Variants in PLD5 observed in about 807,000 individuals in gnomAD.
PLD5 encodes phospholipase D family member 5, also known as inactive phospholipase D5.
PLD5 carries 36 observed loss-of-function variants against 61.1 expected under a neutral mutation model. The observed-to-expected ratio is 0.59, with a 90% CI of 0.45 to 0.78. PLD5 has a LOEUF of 0.78. Among genes scored for constraint, PLD5 ranks in the 30% least tolerant of loss-of-function variants. The pLI is 0.00. For missense variants in PLD5, 515 were observed against 644.4 expected, an observed-to-expected ratio of 0.80 and a Z score of 2.17; for synonymous variants, 243 against 242.8, an observed-to-expected ratio of 1.00 and a Z score of -0.01.
intron 1 of PLD5, among the ~76,000 whole-genome samples, chr1:242,388,089 A>G (rs1662705047): frequency 6.6e-6 from 1 of 152,218 alleles, no homozygotes; most frequent in Non-Finnish European, 1.5e-5. Flanking sequence ...AGAGGTAGAA[A>G]GCATTTCAGA....
intron 1 of PLD5, among the ~76,000 whole-genome samples, chr1:242,362,034 A>G (rs1661097563): frequency 6.6e-6 from 1 of 152,010 alleles, no homozygotes. Flanking sequence ...CCTTTAGGAA[A>G]CTATGACCCT....
intron 1 of PLD5, among the ~76,000 whole-genome samples, chr1:242,506,589 G>A (rs1668729377): frequency 2.0e-5 from 3 of 152,318 alleles, no homozygotes; most frequent in South Asian, 2.1e-4. Flanking sequence ...GGGCAACAGT[G>A]AGAAAGACAC....
At chr1:242,190,870 T>G (rs574065476) in intron 5 of PLD5, among the ~76,000 whole-genome samples, 1 of 152,184 alleles carries the variant, frequency 6.6e-6, no homozygotes, top group Non-Finnish European at 1.5e-5. Context: ...CATGCACTGC[T>G]GGATTTTCAG....
At chr1:242,526,705 C>T (rs1001374394), upstream of PLD5, among the ~76,000 whole-genome samples, 6 of 152,100 alleles carry the variant, frequency 3.9e-5, no homozygotes, top group African/African-American at 1.4e-4. Flanking sequence ...ATTACAGGCA[C>T]GATCTGATTT....
At chr1:242,237,651 C>T (rs1455018453) in intron 4 of PLD5, among the ~76,000 whole-genome samples, 1 of 152,142 alleles carries the variant, frequency 6.6e-6, no homozygotes, top group African/African-American at 2.4e-5. Flanking sequence ...GCAGCCCTGG[C>T]CTGGGCTGGT....
At chr1:242,452,008 G>A (rs1342260222) in intron 1 of PLD5, among the ~76,000 whole-genome samples, 1 of 152,084 alleles carries the variant, frequency 6.6e-6, no homozygotes, top group Non-Finnish European at 1.5e-5. Context: ...CCCCACGGGG[G>A]CTTCGGCTCA....
At chr1:242,199,080 AT>A (rs1668826305) in intron 5 of PLD5, among the ~76,000 whole-genome samples, 1 of 152,188 alleles carries the variant, frequency 6.6e-6, no homozygotes, top group Admixed American at 6.5e-5. Context: ...TATTCAGGAT[AT>A]ACTAAATTAC....
Position 242,086,386 on chromosome 1 carries a change from C to T in PLD5, c.*3468G>A, listed in dbSNP as rs1659477841. 1 of 152,186 alleles carries T rather than the reference C, an allele frequency of 6.6e-6. No homozygotes were observed. Among genetic ancestry groups the T allele is most frequent in the East Asian group, 1.9e-4 (1 of 5,202 alleles). The allele number at this position is 152,186 out of a possible 1,614,324, so 9.4% of individuals were successfully genotyped here. ...TCTTTTAAGTCAGTGGGGACATTTT[C>T]AGCATTCCTTGTTTCTATCAGGTTC... is the stretch of plus-strand genomic sequence containing the variant. On this transcript the variant is annotated 3_prime_UTR_variant, in exon 10 of 10. Transcript: ENST00000536534.
intron 1 of PLD5, among the ~76,000 whole-genome samples, chr1:242,395,685 G>A (rs888164888): frequency 6.6e-6 from 1 of 152,160 alleles, no homozygotes; most frequent in Non-Finnish European, 1.5e-5. Flanking sequence ...ATAAAGAGAT[G>A]CAACCTGGAA....
intron 1 of PLD5, among the ~76,000 whole-genome samples, chr1:242,399,484 G>A (rs911523037): frequency 3.8e-4 from 58 of 152,232 alleles, no homozygotes; most frequent in African/African-American, 1.4e-3. Flanking sequence ...TTAAGCAAGC[G>A]TATTCATTCT....
chr1:242,343,353 CAAAG>C (rs1659948944), intron 2 of PLD5, among the ~76,000 whole-genome samples: 1 of 152,030 alleles, frequency 6.6e-6, no homozygotes, highest in Non-Finnish European at 1.5e-5. Flanking sequence ...GACTTCAGAA[CAAAG>C]TAATTGGAAA....
intron 4 of PLD5, among the ~76,000 whole-genome samples, chr1:242,250,794 C>T (rs546319910): frequency 7.2e-5 from 11 of 152,208 alleles, no homozygotes; most frequent in African/African-American, 2.6e-4. Context: ...ACATAGTTAA[C>T]ATTGGAGTCA....
intron 4 of PLD5, among the ~76,000 whole-genome samples, chr1:242,257,748 C>T (rs902290828): frequency 6.6e-6 from 1 of 152,096 alleles, no homozygotes; most frequent in African/African-American, 2.4e-5. Flanking sequence ...ATGTGACTTA[C>T]TTTTCAGATA....
chr1:242,271,201 CAGAGAGAGAG>C (rs60075638), intron 3 of PLD5, among the ~76,000 whole-genome samples: 27,594 of 102,052 alleles, frequency 0.27, 4,217 homozygotes, highest in Admixed American at 0.36. Flanking sequence ...CACACACACA[CAGAGAGAGAG>C]AGAGAGAGAG....
rs1553367299 is a variant in PLD5 at position 242,396,664 on chromosome 1, T to TTTTC, written c.190-48426_190-48423dup. Among the ~76,000 whole-genome samples, 152 of 118,360 alleles carry TTTTC rather than the reference T, an allele frequency of 1.3e-3. 6 individuals are homozygous for TTTTC. The highest frequency in any genetic ancestry group is 3.5e-3 in the African/African-American group (103 of 29,592). The allele number at this position is 118,360 out of a possible 152,430, so 77.6% of individuals were successfully genotyped here. Reference sequence around the variant, plus strand: ...GCCAGCATGCTATTTTCTTTCTTTCTTTTCTTTTCTTTTTTTTTTTTTTTT... The same window carrying TTTTC: ...GCCAGCATGCTATTTTCTTTCTTTCTTTTCTTTCTTTTCTTTTTTTTTTTTTTTT... On this transcript the variant is annotated intron_variant, in intron 1 of 9. Transcript: ENST00000536534.
chr1:242,365,331 C>G (rs1243593881), intron 1 of PLD5: 1 of 155,964 alleles, frequency 6.4e-6, no homozygotes, highest in African/African-American at 2.4e-5. Context: ...ACAAATGCTT[C>G]TCGGGCACCA....
At chr1:242,304,076 A>G (rs2796063) in intron 2 of PLD5, among the ~76,000 whole-genome samples, 42 of 152,198 alleles carry the variant, frequency 2.8e-4, no homozygotes, top group African/African-American at 9.9e-4. Flanking sequence ...CTGTGCCTCA[A>G]TAAGACTCCT....
At chr1:242,480,058 A>C (rs941378241) in intron 1 of PLD5, among the ~76,000 whole-genome samples, 11 of 151,926 alleles carry the variant, frequency 7.2e-5, no homozygotes, top group African/African-American at 2.4e-4. Flanking sequence ...TCAGAAAAAA[A>C]AAAAACAAAA....
chr1:242,106,711 C>T (rs944622165), intron 8 of PLD5, among the ~76,000 whole-genome samples: 3 of 152,182 alleles, frequency 2.0e-5, no homozygotes, highest in South Asian at 2.1e-4. Context: ...AAGTTAATTG[C>T]GGAGCCCTTG....
Sources: gnomAD v4.1 joint callset for allele counts (sites outside exome capture counted in the v4.1 genomes callset) on GRCh38, gnomAD v4.1.1 for gene constraint, MANE v1.5 for transcripts, NCBI Gene and HGNC (gene_info 2026-07-23, HGNC 2026-07-21) for gene names.